NOX4: variants seen among roughly 807,000 people sequenced by gnomAD.
The protein encoded by NOX4 is kidney oxidase-1.
NOX4 carries 69 observed loss-of-function variants against 87.6 expected under a neutral mutation model. The ratio of observed to expected loss-of-function variants is 0.79; its 90% CI spans 0.65 to 0.96. The LOEUF (loss-of-function observed/expected upper bound fraction) is 0.96, where lower values mean the gene tolerates loss of function less well. Ranked by LOEUF, NOX4 falls within the 40% of genes least tolerant of loss-of-function variation. The pLI is 0.00. For missense variants in NOX4, 680 were observed against 681.5 expected (o/e 1.00, Z 0.02); for synonymous variants, 275 against 238.2 (o/e 1.15, Z -1.42).
chr11:89,351,394 C>T (rs1336360425), intron 13 of NOX4, among the ~76,000 whole-genome samples: 2 of 152,128 alleles, frequency 1.3e-5, no homozygotes, highest in Non-Finnish European at 2.9e-5. Context: ...GGAGAAGCTG[C>T]AGTATATTAT....
intron 2 of NOX4, among the ~76,000 whole-genome samples, chr11:89,474,405 A>G (rs1946078294): frequency 6.6e-6 from 1 of 151,060 alleles, no homozygotes; most frequent in African/African-American, 2.4e-5. Context: ...CACTTTTCTA[A>G]TTGTACAAGT....
At chr11:89,553,463 T>C in the NOX4 span, among the ~76,000 whole-genome samples, 5 of 152,172 alleles carry the variant, frequency 3.3e-5, no homozygotes, top group African/African-American at 1.2e-4. Context: ...CCTCTTTTCT[T>C]TATAAATTAC....
intron 8 of NOX4, among the ~76,000 whole-genome samples, chr11:89,406,239 G>T (rs1459121260): frequency 1.3e-5 from 2 of 151,970 alleles, no homozygotes; most frequent in Admixed American, 1.3e-4. Flanking sequence ...AGGATATTTG[G>T]ATTGATAGAC....
rs142999096 is a variant in NOX4 at position 89,447,728 on chromosome 11, C to T, written c.349+1712G>A. 3.3e-4 allele frequency among the ~76,000 whole-genome samples: 50 copies of T among 152,186 alleles called. No individual in the cohort carries two copies. The East Asian group carries it at 7.9e-3, about 24-fold the overall frequency. ...TTATAGTTTAGAACAAATTGAGTCACGAATATGCTGGTTTCCTGATCCTCC... is the reference window on the plus strand; with the variant it reads ...TTATAGTTTAGAACAAATTGAGTCATGAATATGCTGGTTTCCTGATCCTCC... On this transcript the variant is annotated intron_variant, in intron 4 of 17. Coordinates refer to ENST00000263317, the MANE Select transcript of NOX4 (RefSeq NM_016931.5).
chr11:89,367,232 A>G (rs1158724354), intron 12 of NOX4, among the ~76,000 whole-genome samples: 1 of 152,164 alleles, frequency 6.6e-6, no homozygotes, highest in East Asian at 1.9e-4. Context: ...ACACAGATCC[A>G]TCTAGATATA....
chr11:89,522,065 A>G, the NOX4 span, among the ~76,000 whole-genome samples: 1 of 152,210 alleles, frequency 6.6e-6, no homozygotes, highest in Non-Finnish European at 1.5e-5. Context: ...GAAAGCTTAT[A>G]CACTGCTGGA....
At chr11:89,405,907 T>C (rs1268256988) in intron 8 of NOX4, among the ~76,000 whole-genome samples, 1 of 152,080 alleles carries the variant, frequency 6.6e-6, no homozygotes, top group Non-Finnish European at 1.5e-5. Flanking sequence ...GTACCAGGCC[T>C]ATTCCCCTTG....
intron 11 of NOX4, among the ~76,000 whole-genome samples, chr11:89,393,591 T>C (rs1941272379): frequency 6.6e-6 from 1 of 152,128 alleles, no homozygotes; most frequent in South Asian, 2.1e-4. Context: ...ATGAAAGCAA[T>C]AATCCAAGTT....
chr11:89,331,307 A>T (rs1945459773), intron 17 of NOX4, among the ~76,000 whole-genome samples: 1 of 151,936 alleles, frequency 6.6e-6, no homozygotes, highest in African/African-American at 2.4e-5. Context: ...ACAAATCAAA[A>T]TGTATAAGTT....
At chr11:89,547,342 C>G in the NOX4 span, among the ~76,000 whole-genome samples, 2 of 152,106 alleles carry the variant, frequency 1.3e-5, no homozygotes, top group Non-Finnish European at 2.9e-5. Context: ...TGGCAAGATG[C>G]TCTTTGTCAG....
At chr11:89,358,669 G>C (rs1485700487) in intron 12 of NOX4, among the ~76,000 whole-genome samples, 1 of 151,180 alleles carries the variant, frequency 6.6e-6, no homozygotes, top group Non-Finnish European at 1.5e-5. Context: ...TAGTCTCACA[G>C]ATTTTTGCCT....
At chr11:89,581,943 A>T in the NOX4 span, among the ~76,000 whole-genome samples, 84 of 152,282 alleles carry the variant, frequency 5.5e-4, no homozygotes, top group Admixed American at 5.2e-4. Context: ...ACCACAGGCC[A>T]TACACTGTAC....
intron 17 of NOX4, among the ~76,000 whole-genome samples, chr11:89,332,090 A>G (rs1458195349): frequency 1.3e-5 from 2 of 151,728 alleles, no homozygotes; most frequent in Non-Finnish European, 2.9e-5. Context: ...ATTAGAAACT[A>G]GTTCTATAAA....
At chr11:89,522,791 G>C in the NOX4 span, among the ~76,000 whole-genome samples, 1 of 152,116 alleles carries the variant, frequency 6.6e-6, no homozygotes, top group Non-Finnish European at 1.5e-5. Flanking sequence ...GTCCTTAGGA[G>C]TTTATCTACA....
intron 2 of NOX4, among the ~76,000 whole-genome samples, chr11:89,481,184 C>T (rs984679854): frequency 1.3e-5 from 2 of 151,976 alleles, no homozygotes; most frequent in African/African-American, 2.4e-5. Flanking sequence ...ATCTCATATG[C>T]TCAGCATCTG....
At chr11:89,331,807 C>A (rs1251117539) in intron 17 of NOX4, among the ~76,000 whole-genome samples, 1 of 151,528 alleles carries the variant, frequency 6.6e-6, no homozygotes, top group East Asian at 1.9e-4. Flanking sequence ...TTAACATTTT[C>A]TTTTGCAATT....
At chr11:89,572,572 C>T in the NOX4 span, among the ~76,000 whole-genome samples, 38 of 152,036 alleles carry the variant, frequency 2.5e-4, no homozygotes, top group Non-Finnish European at 4.1e-4. Context: ...TTTTTTGAGA[C>T]GGAGTCTCAC....
chr11:89,350,635 A>G (rs571757834), intron 13 of NOX4, among the ~76,000 whole-genome samples: 1 of 152,214 alleles, frequency 6.6e-6, no homozygotes, highest in Non-Finnish European at 1.5e-5. Context: ...ACATATTTCA[A>G]TCAGAAAAAT....
chr11:89,581,049 AAAT>A, the NOX4 span, among the ~76,000 whole-genome samples: 3 of 152,232 alleles, frequency 2.0e-5, no homozygotes, highest in Non-Finnish European at 2.9e-5. Context: ...AAAGTGCAGA[AAAT>A]AATAAATTGT....
Sources: gnomAD v4.1 joint callset for allele counts (sites outside exome capture counted in the v4.1 genomes callset) on GRCh38, gnomAD v4.1.1 for gene constraint, MANE v1.5 for transcripts, NCBI Gene and HGNC (gene_info 2026-07-23, HGNC 2026-07-21) for gene names.